The following PPM1H variants were observed in gnomAD, a reference collection of about 807,000 sequenced individuals.
PPM1H encodes the protein protein phosphatase 1H.
PPM1H carries 27 observed loss-of-function variants against 54.9 expected under a neutral mutation model. The observed-to-expected ratio is 0.49, with a 90% CI of 0.36 to 0.68. The LOEUF (loss-of-function observed/expected upper bound fraction) is 0.68, where lower values mean the gene tolerates loss of function less well. Among genes scored for constraint, PPM1H ranks in the 30% least tolerant of loss-of-function variants. The pLI is 0.00. For synonymous variants in PPM1H, 305 were observed against 270.8 expected (o/e 1.13, Z -1.24); for missense variants, 596 against 667.8 (o/e 0.89, Z 1.19).
At chr12:62,795,968 A>G (rs2076731560) in intron 3 of PPM1H, among the ~76,000 whole-genome samples, 1 of 152,120 alleles carries the variant, frequency 6.6e-6, no homozygotes, top group Non-Finnish European at 1.5e-5. Flanking sequence ...GCCTCAAGTG[A>G]TCTGCCCACC....
At chr12:62,880,401 T>C (rs1870349502) in intron 1 of PPM1H, among the ~76,000 whole-genome samples, 1 of 152,212 alleles carries the variant, frequency 6.6e-6, no homozygotes, top group Admixed American at 6.5e-5. Context: ...TTGTGAACCC[T>C]TGCTGAGCCC....
In PPM1H at chr12:62,693,978, A is replaced by G. The variant is rs2076098717; in HGVS notation, c.1095T>C (p.Asp365=). The G allele has an allele frequency of 1.2e-6, 2 of 1,613,076 alleles. No individual in the cohort carries two copies. The highest frequency in any genetic ancestry group is 1.3e-5 in the African/African-American group (1 of 75,036). Residue 365 remains aspartate, a synonymous_variant, in exon 7 of 10, where the codon GAT becomes GAC. Transcript: ENST00000228705. ...ATATAAGGGGGAACTTCAAGTCCTC[A>G]TCCTCAATGGTTTTGTATGCCCTGT... ...MTGWAYKTIE[D]EDLKFPLIYG... is the part of the protein sequence containing the mutation.
At chr12:62,691,370 G>C (rs539709827) in intron 7 of PPM1H, among the ~76,000 whole-genome samples, 1 of 152,324 alleles carries the variant, frequency 6.6e-6, no homozygotes, top group African/African-American at 2.4e-5. Context: ...TAAATGCTAA[G>C]AAACACTGCA....
At chr12:62,915,203 C>T (rs1174407761) in intron 1 of PPM1H, among the ~76,000 whole-genome samples, 1 of 152,174 alleles carries the variant, frequency 6.6e-6, no homozygotes, top group African/African-American at 2.4e-5. Context: ...TGGACTCTTA[C>T]TTGGATGATT....
chr12:62,680,301 CTCTCTCTCTTGCTT>C (rs1482096695), intron 8 of PPM1H, among the ~76,000 whole-genome samples: 4 of 149,294 alleles, frequency 2.7e-5, no homozygotes, highest in Non-Finnish European at 5.9e-5. Context: ...TACTTCCTTC[CTCTCTCTCTTGCTT>C]TCTCTCTCTC....
rs147349188 is a variant in PPM1H at position 62,934,474 on chromosome 12, C to T, written c.245+18G>A. ...GCCGCGAGGAGAGCAGGGGCGCCGC[C>T]GGTGTCGCTGCACTCACTCTGCGTA... On this transcript the variant is annotated intron_variant, in intron 1 of 9. Transcript: ENST00000228705. This position sits in a 1 kb window ranked among gnomAD's most constrained non-coding sequence, Gnocchi z 4.2. 3.3e-6 allele frequency: 5 copies of T among 1,529,338 alleles called. No homozygotes were observed. The highest frequency in any genetic ancestry group is 3.5e-6 in the Non-Finnish European group (4 of 1,139,162). The allele number at this position is 1,529,338 out of a possible 1,614,324, so 94.7% of individuals were successfully genotyped here.
intron 1 of PPM1H, among the ~76,000 whole-genome samples, chr12:62,881,216 G>C (rs951494945): frequency 6.6e-6 from 1 of 152,194 alleles, no homozygotes; most frequent in Non-Finnish European, 1.5e-5. Context: ...TCTCCTGAAA[G>C]TTGGTAGATG....
At chr12:62,879,639 C>T (rs971668980) in intron 1 of PPM1H, among the ~76,000 whole-genome samples, 1 of 151,888 alleles carries the variant, frequency 6.6e-6, no homozygotes, top group Non-Finnish European at 1.5e-5. Context: ...GGAGGGATAG[C>T]GTTAGGAGAA....
intron 8 of PPM1H, among the ~76,000 whole-genome samples, chr12:62,669,969 CTTTTTTTTTTTTT>C (rs1161094944): frequency 2.2e-5 from 1 of 46,424 alleles, no homozygotes; most frequent in African/African-American, 1.1e-4. Context: ...GGATTGATTC[CTTTTTTTTTTTTT>C]TTTTTTTTTT....
chr12:62,804,848 T>G (rs1182387199), intron 2 of PPM1H, among the ~76,000 whole-genome samples: 4 of 151,204 alleles, frequency 2.6e-5, no homozygotes, highest in Admixed American at 6.6e-5. Context: ...GCTAATTTTT[T>G]GTATTTTTAG....
intron 2 of PPM1H, among the ~76,000 whole-genome samples, chr12:62,828,812 T>A (rs932475152): frequency 3.3e-5 from 5 of 152,178 alleles, no homozygotes; most frequent in Non-Finnish European, 5.9e-5. Flanking sequence ...TAGACATTTC[T>A]CTGAAGAACA....
intron 6 of PPM1H, among the ~76,000 whole-genome samples, chr12:62,715,190 A>C (rs1248945841): frequency 6.6e-6 from 1 of 152,198 alleles, no homozygotes; most frequent in Admixed American, 6.5e-5. Context: ...GTCGGGATAC[A>C]CTGCTCTCAA....
intron 4 of PPM1H, among the ~76,000 whole-genome samples, chr12:62,738,581 G>C (rs1426476042): frequency 6.6e-6 from 1 of 152,216 alleles, no homozygotes; most frequent in East Asian, 1.9e-4. Flanking sequence ...TGATTCCAAA[G>C]TGGTTCCTGA....
At chr12:62,730,864 T>C (rs1248798753) in intron 5 of PPM1H, among the ~76,000 whole-genome samples, 1 of 152,206 alleles carries the variant, frequency 6.6e-6, no homozygotes, top group Non-Finnish European at 1.5e-5. Context: ...ATGAGACAGC[T>C]TTTCCAGAGC....
chr12:62,729,898 C>T lies in PPM1H; in HGVS notation c.954+7604G>A, dbSNP rs187612007. On this transcript the variant is annotated intron_variant, in intron 5 of 9. Coordinates refer to ENST00000228705, the MANE Select transcript of PPM1H (RefSeq NM_020700.2). ...GCCATCATATCCCCTGTGACCTGCA[C>T]GTACACATCCAGATGGCCGGTTCCT... 2.4e-4 allele frequency among the ~76,000 whole-genome samples: 36 copies of T among 152,280 alleles called. No homozygotes were observed. In the East Asian group the frequency reaches 5.8e-3, roughly 25 times the overall value.
chr12:62,862,402 A>C lies in PPM1H; in HGVS notation c.246-30123T>G, dbSNP rs998756085. ...TAAGGCTGTGACCTAAATAAACTTG[A>C]ATGTCTGCGAGAGGCAAACTGACTT... is the stretch of plus-strand genomic sequence containing the variant. On this transcript the variant is annotated intron_variant, in intron 1 of 9. Transcript: ENST00000228705. Among the ~76,000 whole-genome samples the C allele has an allele frequency of 2.4e-4, 37 of 152,182 alleles. 1 individual carries two copies. Among genetic ancestry groups the C allele is most frequent in the African/African-American group, 8.0e-4 (33 of 41,450 alleles).
intron 4 of PPM1H, among the ~76,000 whole-genome samples, chr12:62,784,194 G>A (rs1351940470): frequency 6.6e-6 from 1 of 152,166 alleles, no homozygotes; most frequent in African/African-American, 2.4e-5. Context: ...CAGAGTAGAA[G>A]GGCAAGTTCT....
At chr12:62,878,538 C>A (rs747385349) in intron 1 of PPM1H, among the ~76,000 whole-genome samples, 1 of 148,490 alleles carries the variant, frequency 6.7e-6, no homozygotes, top group Non-Finnish European at 1.5e-5. Context: ...AGGAATCCTA[C>A]CAGTCCTAAA....
chr12:62,718,660 C>T (rs992527119), intron 6 of PPM1H, among the ~76,000 whole-genome samples: 1 of 152,168 alleles, frequency 6.6e-6, no homozygotes, highest in African/African-American at 2.4e-5. Context: ...GGGTTCCTAA[C>T]GTTCCATCTT....
Sources: allele counts gnomAD v4.1 joint callset (sites outside exome capture counted in the v4.1 genomes callset), GRCh38; gene constraint gnomAD v4.1.1; non-coding constraint Gnocchi (gnomAD v3.1); transcripts MANE v1.5; gene names NCBI Gene and HGNC (gene_info 2026-07-23, HGNC 2026-07-21).